Variants in ZNF462 observed in about 807,000 individuals in gnomAD.
ZNF462 encodes the protein zinc finger PBX1-interacting protein.
In ZNF462, 10 loss-of-function variants were observed where a neutral mutation model predicts 201.9. That is an observed-to-expected ratio of 0.05 (90% CI 0.03 to 0.08). The LOEUF (loss-of-function observed/expected upper bound fraction) is 0.08, where lower values mean the gene tolerates loss of function less well. Among genes scored for constraint, ZNF462 ranks in the 10% least tolerant of loss-of-function variants. The pLI, the probability that ZNF462 is intolerant of heterozygous loss-of-function variation, is 1.00. For synonymous variants in ZNF462, 1,227 were observed against 1,193.3 expected, an observed-to-expected ratio of 1.03 and a Z score of -0.58; for missense variants, 2,523 against 3,168.3, an observed-to-expected ratio of 0.80 and a Z score of 4.89.
In ZNF462 at chr9:106,919,724, A is replaced by G. The variant is rs1384731656; in HGVS notation, c.-30-3630A>G. On this transcript the variant is annotated intron_variant, in intron 1 of 12. Coordinates refer to ENST00000277225, the MANE Select transcript of ZNF462 (RefSeq NM_021224.6). This position sits in a 1 kb window ranked among gnomAD's most constrained non-coding sequence, Gnocchi z 4.5. ...TTAGGGGTTTCATGTTAGGAGGACCAGTCACATTAGGTGCCAGTTATTTTA... is the reference window on the plus strand; with the variant it reads ...TTAGGGGTTTCATGTTAGGAGGACCGGTCACATTAGGTGCCAGTTATTTTA... Among the ~76,000 whole-genome samples, 1 of 152,230 alleles carries G rather than the reference A, an allele frequency of 6.6e-6. No homozygotes were observed. The highest frequency in any genetic ancestry group is 1.5e-5 in the Non-Finnish European group (1 of 68,042).
At chr9:106,911,117 A>G (rs1829533107) in intron 1 of ZNF462, among the ~76,000 whole-genome samples, 1 of 152,202 alleles carries the variant, frequency 6.6e-6, no homozygotes, top group African/African-American at 2.4e-5. Context: ...TAAGGGAGGT[A>G]GGTATCAGTA....
chr9:106,940,492 C>T (rs1448796508), intron 7 of ZNF462, among the ~76,000 whole-genome samples: 2 of 152,206 alleles, frequency 1.3e-5, no homozygotes, highest in Non-Finnish European at 2.9e-5. Context: ...GGTCTGTGAG[C>T]AGACACCTGT....
chr9:106,871,977 C>A (rs557476477), intron 1 of ZNF462, among the ~76,000 whole-genome samples: 3 of 152,304 alleles, frequency 2.0e-5, no homozygotes, highest in African/African-American at 7.2e-5. Context: ...GGGTTTCAGC[C>A]ATTGACTTGA....
intron 9 of ZNF462, among the ~76,000 whole-genome samples, chr9:106,983,906 G>A: frequency 6.6e-6 from 1 of 152,092 alleles, no homozygotes; most frequent in East Asian, 1.9e-4. Context: ...CCTCCATTCA[G>A]GAATTAGCAA....
At position 106,927,511 on chromosome 9, in the gene ZNF462, A is replaced by T. The variant is rs781158664; in HGVS notation, c.3599A>T (p.Tyr1200Phe). The change falls in exon 3 of 13, where the codon TAT becomes TTT. Residue 1200 changes from tyrosine to phenylalanine, a missense_variant. Tyr to Phe is a conservative substitution (Grantham distance 22). Transcript: ENST00000277225. The part of the protein sequence containing the change: ...NEMFFCQHCD[Y>F]GNRTVKGVLI... ...ATGTTCTTTTGCCAGCACTGTGATT[A>T]TGGGAACCGGACGGTCAAAGGGGTA... 1 of 1,613,698 alleles carries T rather than the reference A, an allele frequency of 6.2e-7. No individual in the cohort carries two copies. The highest frequency in any genetic ancestry group is 8.5e-7 in the Non-Finnish European group (1 of 1,179,958).
intron 7 of ZNF462, among the ~76,000 whole-genome samples, chr9:106,960,884 C>G (rs1407838759): frequency 2.0e-5 from 3 of 152,076 alleles, no homozygotes; most frequent in Non-Finnish European, 4.4e-5. Context: ...AACATAAACC[C>G]ATATCTGCTT....
rs945455087 is a variant in ZNF462, at chr9:106,954,465, A to ATTTGGGTGG, written c.6427+15359_6427+15367dup. The stretch of plus-strand genomic sequence containing the variant: ...CGTGGGGATTACAATTAGAGATGAG[A>ATTTGGGTGG]TTTGGGTGGGGACACAGAACCAAAC... On this transcript the variant is annotated intron_variant, in intron 7 of 12. Coordinates refer to ENST00000277225, the MANE Select transcript of ZNF462 (RefSeq NM_021224.6). The surrounding 1 kb of genome is among the most constrained non-coding windows in gnomAD (Gnocchi z 4.0). Among the ~76,000 whole-genome samples the ATTTGGGTGG allele has an allele frequency of 2.6e-5, 4 of 151,546 alleles. No homozygotes were observed. The highest frequency in any genetic ancestry group is 9.7e-5 in the African/African-American group (4 of 41,260).
chr9:106,927,669 T>A lies in ZNF462; in HGVS notation c.3757T>A (p.Ser1253Thr). ...TGCCAGCTGCGTGCTTGTCTCCCCC[T>A]CTAATCTGGAGCGGGACAAAACGAA... ...KPASCVLVSP[S>T]NLERDKTKLR... is the part of the protein sequence containing the mutation. The change falls in exon 3 of 13, where the codon TCT becomes ACT. Residue 1253 changes from serine (S) to threonine (T), a missense_variant. Physicochemically the swap from Ser to Thr is moderately conservative, Grantham distance 58. Around this residue, in one of 15 missense-constraint regions of ZNF462, gnomAD observed 222 missense variants for 271.6 expected, o/e 0.82. Coordinates refer to ENST00000277225, the MANE Select transcript of ZNF462 (RefSeq NM_021224.6). 6.2e-7 allele frequency: 1 copy of A among 1,613,856 alleles called. No homozygotes were observed. The highest frequency in any genetic ancestry group is 8.5e-7 in the Non-Finnish European group (1 of 1,179,992).
chr9:106,891,907 C>G (rs867371093), intron 1 of ZNF462, among the ~76,000 whole-genome samples: 1 of 152,172 alleles, frequency 6.6e-6, no homozygotes, highest in Non-Finnish European at 1.5e-5. Flanking sequence ...GTTTAGCTTT[C>G]ACCTTGCTTT....
rs1828035040 is a variant in ZNF462 at position 106,880,313 on chromosome 9, G to A, written c.-31+16958G>A. Among the ~76,000 whole-genome samples, 1 of 152,196 alleles carries A rather than the reference G, an allele frequency of 6.6e-6. No individual in the cohort carries two copies. Among genetic ancestry groups the A allele is most frequent in the African/African-American group, 2.4e-5 (1 of 41,444 alleles). On this transcript the variant is annotated intron_variant, in intron 1 of 12. Coordinates refer to ENST00000277225, the MANE Select transcript of ZNF462 (RefSeq NM_021224.6). This position sits in a 1 kb window ranked among gnomAD's most constrained non-coding sequence, Gnocchi z 4.1. ...CTGGGCCTGTGCAGTCCAGGAGCTGGGACAGACTGAACAGTTTGCCTGTGA... is the reference window on the plus strand; with the variant it reads ...CTGGGCCTGTGCAGTCCAGGAGCTGAGACAGACTGAACAGTTTGCCTGTGA...
chr9:106,865,742 C>G lies in ZNF462; in HGVS notation c.-31+2387C>G, dbSNP rs990034016. Reference sequence around the variant, plus strand: ...AAAACATGATGTCAGTTGAGAAAACCTTATGTCCAGGTATCTTCACCTTTT... The same window carrying G: ...AAAACATGATGTCAGTTGAGAAAACGTTATGTCCAGGTATCTTCACCTTTT... On this transcript the variant is annotated intron_variant, in intron 1 of 12. Coordinates refer to ENST00000277225, the MANE Select transcript of ZNF462 (RefSeq NM_021224.6). The surrounding 1 kb of genome is among the most constrained non-coding windows in gnomAD (Gnocchi z 4.1). Among the ~76,000 whole-genome samples, 2 of 152,106 alleles carry G rather than the reference C, an allele frequency of 1.3e-5. No individual in the cohort carries two copies. The highest frequency in any genetic ancestry group is 2.9e-5 in the Non-Finnish European group (2 of 68,020).
intron 1 of ZNF462, among the ~76,000 whole-genome samples, chr9:106,900,203 C>CGTGTGTGTGTGTGTGT (rs3056258): frequency 2.2e-5 from 3 of 134,652 alleles, no homozygotes; most frequent in South Asian, 2.6e-4. Context: ...AGTATTCCAT[C>CGTGTGTGTGTGTGTGT]GTGTGTGTGT....
chr9:106,976,692 AATAAC>A (rs749403367), intron 9 of ZNF462: 10 of 152,202 alleles, frequency 6.6e-5, no homozygotes, highest in Non-Finnish European at 1.5e-4. Context: ...TAATAGTAAT[AATAAC>A]AACATTAACA....
At chr9:107,001,888 G>A (rs1829211410) in intron 10 of ZNF462, among the ~76,000 whole-genome samples, 1 of 152,138 alleles carries the variant, frequency 6.6e-6, no homozygotes, top group African/African-American at 2.4e-5. Context: ...AGATAGATCA[G>A]TGTATTGTTT....
intron 1 of ZNF462, among the ~76,000 whole-genome samples, chr9:106,908,386 G>T (rs1001187390): frequency 5.3e-5 from 8 of 152,052 alleles, no homozygotes; most frequent in East Asian, 1.9e-4. Context: ...ATTGTGGATT[G>T]TACTTTTACA....
At chr9:106,896,296 G>A (rs1429800386) in intron 1 of ZNF462, among the ~76,000 whole-genome samples, 1 of 152,174 alleles carries the variant, frequency 6.6e-6, no homozygotes, top group Non-Finnish European at 1.5e-5. Flanking sequence ...GCATGTGGCA[G>A]CTGGTCAATA....
At chr9:106,916,280 G>T (rs1295654561) in intron 1 of ZNF462, among the ~76,000 whole-genome samples, 1 of 152,174 alleles carries the variant, frequency 6.6e-6, no homozygotes, top group African/African-American at 2.4e-5. Flanking sequence ...ACGCACCCAA[G>T]GCCCAAGGTC....
At chr9:106,979,988 C>T (rs1029451507) in intron 9 of ZNF462, among the ~76,000 whole-genome samples, 2 of 152,190 alleles carry the variant, frequency 1.3e-5, no homozygotes, top group African/African-American at 4.8e-5. Flanking sequence ...GAAATAATCT[C>T]CCCTAATTTA....
At chr9:106,892,305 G>T (rs1401704096) in intron 1 of ZNF462, among the ~76,000 whole-genome samples, 1 of 152,152 alleles carries the variant, frequency 6.6e-6, no homozygotes, top group African/African-American at 2.4e-5. Context: ...GTGCAACTCA[G>T]AAGATTAGGT....
Sources: allele counts gnomAD v4.1 joint callset (sites outside exome capture counted in the v4.1 genomes callset), GRCh38; gene constraint gnomAD v4.1.1; regional missense constraint gnomAD v4.1.1; non-coding constraint Gnocchi (gnomAD v3.1); transcripts MANE v1.5; gene names NCBI Gene and HGNC (gene_info 2026-07-23, HGNC 2026-07-21).